The following SHOX variants were observed in gnomAD, a reference collection of about 807,000 sequenced individuals.
SHOX encodes the protein short stature homeobox protein.
Under a neutral mutation model 29.6 loss-of-function variants are expected in SHOX, and 12 were observed. That is an observed-to-expected ratio of 0.41 (90% CI 0.26 to 0.66). The LOEUF (loss-of-function observed/expected upper bound fraction) is 0.66, where lower values mean the gene tolerates loss of function less well. Among genes scored for constraint, SHOX ranks in the 30% least tolerant of loss-of-function variants. The pLI is 0.35. For missense variants in SHOX, 499 were observed against 437.7 expected, an observed-to-expected ratio of 1.14 and a Z score of -1.25; for synonymous variants, 214 against 200.6, an observed-to-expected ratio of 1.07 and a Z score of -0.57.
chrX:642,501 C>T (rs1404497911), intron 4 of SHOX, among the ~76,000 whole-genome samples: 3 of 152,174 alleles, frequency 2.0e-5, no homozygotes, highest in African/African-American at 4.8e-5. Flanking sequence ...CGCTGGTCGC[C>T]GCTAGCTCTC....
chrX:658,612 A>C (rs1308373132), intron 5 of SHOX, among the ~76,000 whole-genome samples: 1 of 151,608 alleles, frequency 6.6e-6, no homozygotes, highest in Middle Eastern at 3.2e-3. Context: ...CTGGGACTAC[A>C]GGCGCCCGCC....
Position 651,407 on chromosome X carries a change from AAACAG to A in SHOX, c.*6774_*6778del, listed in dbSNP as rs984280009. The A allele has an allele frequency of 1.6e-5, 7 of 425,888 alleles. No homozygotes were observed. The highest frequency in any genetic ancestry group is 5.0e-5 in the Admixed American group (2 of 39,736). The allele number at this position is 425,888 out of a possible 1,614,324, so 26.4% of individuals were successfully genotyped here. ...AGGGGTAGAAAAAAAACAAACAAAC[AAACAG>A]AAAAAAAAACCAAAAAAAACCACCC... On this transcript the variant is annotated 3_prime_UTR_variant, in exon 5 of 5. Transcript: ENST00000686671.
At chrX:657,481 C>A (rs1488186535) in intron 5 of SHOX, among the ~76,000 whole-genome samples, 3 of 152,154 alleles carry the variant, frequency 2.0e-5, no homozygotes, top group Non-Finnish European at 2.9e-5. Flanking sequence ...TTCTAGAAGA[C>A]AAAAGCCACA....
intron 4 of SHOX, among the ~76,000 whole-genome samples, chrX:642,376 T>C (rs750459614): frequency 7.9e-5 from 12 of 151,656 alleles, no homozygotes; most frequent in Middle Eastern, 3.4e-3. Flanking sequence ...AGGCTGGGGA[T>C]TGTATTTGGG....
intron 4 of SHOX, among the ~76,000 whole-genome samples, chrX:642,309 G>A (rs868224744): frequency 1.4e-4 from 22 of 152,134 alleles, no homozygotes; most frequent in African/African-American, 5.3e-4. Flanking sequence ...TTGGGGGGGG[G>A]GCTCTGGCAG....
upstream of SHOX, among the ~76,000 whole-genome samples, chrX:627,357 C>T (rs1350020738): frequency 6.6e-6 from 1 of 152,146 alleles, no homozygotes; most frequent in Non-Finnish European, 1.5e-5. Context: ...GTGTTTCCTG[C>T]CTGTCTTTAA....
At chrX:640,681 T>G (rs2052838317) in intron 2 of SHOX, 140 bp from the exon 3 acceptor site, 5 of 853,418 alleles carry the variant, frequency 5.9e-6, no homozygotes, top group Non-Finnish European at 8.1e-6. Context: ...GGGCGGTAAG[T>G]GTCTGGGCGC....
downstream of SHOX, among the ~76,000 whole-genome samples, chrX:651,831 TC>T (rs1263615698): frequency 3.3e-5 from 5 of 150,784 alleles, no homozygotes; most frequent in South Asian, 2.1e-4. Context: ...TCAGCCAACG[TC>T]CCCCCAGAAG....
chrX:632,522 A>C (rs2052668813), intron 1 of SHOX, among the ~76,000 whole-genome samples: 1 of 152,122 alleles, frequency 6.6e-6, no homozygotes, highest in Admixed American at 6.5e-5. Flanking sequence ...GAATGCCCCA[A>C]AGGTAATTCT....
At chrX:636,126 T>G (rs1306906018) in intron 2 of SHOX, among the ~76,000 whole-genome samples, 2 of 150,398 alleles carry the variant, frequency 1.3e-5, no homozygotes, top group Non-Finnish European at 3.0e-5. Context: ...TCATTATATG[T>G]GTGTCTCTAT....
In SHOX at chrX:624,867, TTTC is replaced by T. The variant is rs2052481102; in HGVS notation, c.-433+268_-433+270del. Among the ~76,000 whole-genome samples, 3 of 41,464 alleles carry T rather than the reference TTTC, an allele frequency of 7.2e-5. No individual in the cohort carries two copies. The African/African-American group carries it at 9.2e-4, about 13-fold the overall frequency. 27.2% of individuals were successfully genotyped at this position (41,464 alleles called of 152,430 possible). On this transcript the variant is annotated intron_variant, in intron 1 of 5. Coordinates refer to the SHOX transcript ENST00000334060. ...CCTCTCTTCCTCTTTCTTTCTTTTC[TTTC>T]TTTCTTTCTTTCTTTCTTTCTTTCT...
At chrX:627,521 G>A (rs1440536937), upstream of SHOX, among the ~76,000 whole-genome samples, 1 of 152,206 alleles carries the variant, frequency 6.6e-6, no homozygotes, top group Non-Finnish European at 1.5e-5. Flanking sequence ...AAACTCTTAG[G>A]AAAAGCGGGG....
In SHOX at chrX:649,702, C is replaced by A. The variant is rs1387257662; in HGVS notation, c.*5066C>A. Reference sequence around the variant, plus strand: ...GAGGATTTGGTGTGTGAGATCCGTACCAGCTCCAGCACACTGATAGGAACA... The same window carrying A: ...GAGGATTTGGTGTGTGAGATCCGTAACAGCTCCAGCACACTGATAGGAACA... On this transcript the variant is annotated 3_prime_UTR_variant, in exon 5 of 5. Coordinates refer to ENST00000686671, the MANE Select transcript of SHOX (RefSeq NM_000451.4). Among the ~76,000 whole-genome samples, 1 of 152,122 alleles carries A rather than the reference C, an allele frequency of 6.6e-6. No individual in the cohort carries two copies. The highest frequency in any genetic ancestry group is 1.5e-5 in the Non-Finnish European group (1 of 68,036).
chrX:627,008 T>C (rs1195425846), upstream of SHOX, among the ~76,000 whole-genome samples: 1 of 151,940 alleles, frequency 6.6e-6, no homozygotes, highest in Non-Finnish European at 1.5e-5. Context: ...TCTCTCTGTC[T>C]CTTTTTCTCT....
Position 630,865 on chromosome X carries a change from A to G in SHOX, c.-33A>G. ...GCGCGGGGAGACGCGCGCATCCACC[A>G]GCCCCGGCTGCTCGCCAGCCCCGGC... is the stretch of plus-strand genomic sequence containing the variant. On this transcript the variant is annotated 5_prime_UTR_variant, in exon 1 of 5. Transcript: ENST00000686671. 2 of 1,611,804 alleles carry G rather than the reference A, an allele frequency of 1.2e-6. No individual in the cohort carries two copies. The highest frequency in any genetic ancestry group is 8.5e-7 in the Non-Finnish European group (1 of 1,179,562).
At chrX:627,562 C>T (rs1427989414), upstream of SHOX, among the ~76,000 whole-genome samples, 3 of 152,186 alleles carry the variant, frequency 2.0e-5, no homozygotes, top group East Asian at 1.9e-4. Context: ...TGCCATGAAT[C>T]GGACGTGCGT....
chrX:624,890 CTTTCTTTCTTTCTCT>C (rs2052483667), intron 1 of SHOX, among the ~76,000 whole-genome samples: 4 of 61,586 alleles, frequency 6.5e-5, no homozygotes, highest in Admixed American at 1.4e-4. Context: ...TTCTTTCTTT[CTTTCTTTCTTTCTCT>C]CTTCCTTTCT....
Position 639,511 on chromosome X carries a change from C to T in SHOX, c.487-1310C>T, listed in dbSNP as rs779503035. On this transcript the variant is annotated intron_variant, in intron 2 of 4. Coordinates refer to ENST00000686671, the MANE Select transcript of SHOX (RefSeq NM_000451.4). ...TCTTTAGCCATCAGCTCACCCTCTC[C>T]GTTTGTGGCTAAAGTCTGAAGGTGG... Among the ~76,000 whole-genome samples, 4 of 152,336 alleles carry T rather than the reference C, an allele frequency of 2.6e-5. No homozygotes were observed. In the South Asian group the frequency reaches 8.3e-4, roughly 32 times the overall value.
Position 657,969 on chromosome X carries a change from GTC to G in SHOX, c.634-800_634-799del, listed in dbSNP as rs763260813. On this transcript the variant is annotated intron_variant, in intron 5 of 5. Transcript: ENST00000334060. ...TTTGGAAGTTTAGCTTCTCCAGGTG[GTC>G]TCTCTCTCTCTCTCTTTTTTTGAGA... Among the ~76,000 whole-genome samples the G allele has an allele frequency of 4.5e-3, 677 of 151,292 alleles. 6 individuals are homozygous for G. Among genetic ancestry groups the G allele is most frequent in the African/African-American group, 0.014 (592 of 41,320 alleles).
Sources: allele counts gnomAD v4.1 joint callset (sites outside exome capture counted in the v4.1 genomes callset), GRCh38; gene constraint gnomAD v4.1.1; transcripts MANE v1.5; gene names NCBI Gene and HGNC (gene_info 2026-07-23, HGNC 2026-07-21).